The following RAB5IF variants were observed in gnomAD, a reference collection of about 807,000 sequenced individuals.
The protein encoded by RAB5IF is RAB5 interacting factor.
A neutral mutation model predicts 20.3 loss-of-function variants in RAB5IF; 15 were observed. The ratio of observed to expected loss-of-function variants is 0.74; its 90% CI spans 0.50 to 1.14. The LOEUF is 1.14. Ranked by LOEUF, RAB5IF falls within the 50% of genes most tolerant of loss-of-function variation. RAB5IF has a pLI of 0.00. For synonymous variants in RAB5IF, 67 were observed against 63.7 expected, an observed-to-expected ratio of 1.05 and a Z score of -0.25; for missense variants, 148 against 159.5, an observed-to-expected ratio of 0.93 and a Z score of 0.39.
At chr20:36,609,243 ACACACACACACAC>A (rs1568595729) in intron 2 of RAB5IF, among the ~76,000 whole-genome samples, 158 of 132,340 alleles carry the variant, frequency 1.2e-3, no homozygotes, top group African/African-American at 5.1e-3. Context: ...ACACACACAC[ACACACACACACAC>A]TATATATAGA....
intron 1 of RAB5IF, among the ~76,000 whole-genome samples, chr20:36,607,151 A>G (rs2038953353): frequency 6.6e-6 from 1 of 152,116 alleles, no homozygotes; most frequent in Non-Finnish European, 1.5e-5. Flanking sequence ...CAGTAGCACA[A>G]TTATTATCAC....
chr20:36,608,457 C>T (rs2038985353), intron 2 of RAB5IF, among the ~76,000 whole-genome samples: 1 of 151,630 alleles, frequency 6.6e-6, no homozygotes, highest in Admixed American at 6.6e-5. Flanking sequence ...ATTTCCCAGG[C>T]TGGTCTTGAA....
At chr20:36,609,256 C>CTCTA (rs1555790840) in intron 2 of RAB5IF, among the ~76,000 whole-genome samples, 1 of 121,580 alleles carries the variant, frequency 8.2e-6, no homozygotes, top group Non-Finnish European at 1.7e-5. Flanking sequence ...CACACACACA[C>CTCTA]TATATATAGA....
At chr20:36,608,881 C>A (rs547877764) in intron 2 of RAB5IF, among the ~76,000 whole-genome samples, 2 of 151,748 alleles carry the variant, frequency 1.3e-5, no homozygotes, top group East Asian at 3.9e-4. Flanking sequence ...TGTTCCTAGC[C>A]CCCTAATTGA....
In RAB5IF at chr20:36,605,937, C is replaced by T. The variant is rs1047668506; in HGVS notation, c.-15C>T. 4 of 1,480,090 alleles carry T rather than the reference C, an allele frequency of 2.7e-6. No individual in the cohort carries two copies. The highest frequency in any genetic ancestry group is 4.4e-5 in the Admixed American group (2 of 45,156). The allele number at this position is 1,480,090 out of a possible 1,614,324, so 91.7% of individuals were successfully genotyped here. On this transcript the variant is annotated 5_prime_UTR_variant, in exon 1 of 4. Transcript: ENST00000344795. ...CCGCGCGCCCCAGGCCCGGCCCGGG[C>T]GGCGCGACGGGAGGATGAGCGGCGG...
intron 3 of RAB5IF, 58 bp downstream of exon 3, chr20:36,609,788 C>T (rs761624846): frequency 6.2e-7 from 1 of 1,613,902 alleles, no homozygotes; most frequent in Non-Finnish European, 8.5e-7. Flanking sequence ...GTGTCACTCA[C>T]AGGAGGGGAC....
chr20:36,609,876 T>C, intron 3 of RAB5IF, 146 bp downstream of exon 3: 1 of 1,394,240 alleles, frequency 7.2e-7, no homozygotes, highest in Non-Finnish European at 1.0e-6. Flanking sequence ...ATGGCCTGTG[T>C]TGAGCCACAT....
chr20:36,608,681 A>AT (rs2038992204), intron 2 of RAB5IF, among the ~76,000 whole-genome samples: 1 of 150,386 alleles, frequency 6.6e-6, no homozygotes, highest in Non-Finnish European at 1.5e-5. Flanking sequence ...CTTCTGCCTC[A>AT]GACTCCCAAG....
Position 36,606,083 on chromosome 20 carries a change from C to G in RAB5IF, c.114+18C>G. 1.4e-6 allele frequency: 2 copies of G among 1,396,352 alleles called. No homozygotes were observed. Among genetic ancestry groups the G allele is most frequent in the East Asian group, 6.0e-5 (2 of 33,526 alleles). The allele number at this position is 1,396,352 out of a possible 1,614,324, so 86.5% of individuals were successfully genotyped here. ...AGGATAAGGTACGGTGGAGTCTGAA[C>G]AGGGCGCGGGTGCGAGGAGTCGGCT... On this transcript the variant is annotated intron_variant, in intron 1 of 3. Transcript: ENST00000344795.
chr20:36,606,350 G>A (rs1270167121), intron 1 of RAB5IF, among the ~76,000 whole-genome samples: 4 of 152,216 alleles, frequency 2.6e-5, no homozygotes, highest in African/African-American at 9.6e-5. Context: ...CCTGAACTGG[G>A]AAAGGGAGCT....
chr20:36,609,162 C>T (rs1324885701), intron 2 of RAB5IF, among the ~76,000 whole-genome samples: 612 of 11,160 alleles, frequency 0.055, 121 homozygotes, highest in Non-Finnish European at 0.074. Context: ...ATATTACACA[C>T]ACACACACAC....
intron 2 of RAB5IF, 156 bp downstream of exon 2, chr20:36,607,974 G>C: frequency 6.7e-7 from 1 of 1,498,460 alleles, no homozygotes; most frequent in Non-Finnish European, 9.0e-7. Flanking sequence ...CCTGGGTCTG[G>C]TGCACCACTC....
At chr20:36,609,249 A>C (rs953134064) in intron 2 of RAB5IF, among the ~76,000 whole-genome samples, 11 of 134,874 alleles carry the variant, frequency 8.2e-5, no homozygotes, top group African/African-American at 1.3e-4. Context: ...ACACACACAC[A>C]CACACACTAT....
rs188230297 is a variant in RAB5IF at position 36,607,236 on chromosome 20, C to T, written c.115-479C>T. Among the ~76,000 whole-genome samples, 372 of 151,052 alleles carry T rather than the reference C, an allele frequency of 2.5e-3. 4 individuals are homozygous for T. The highest frequency in any genetic ancestry group is 8.7e-3 in the African/African-American group (357 of 41,118). ...TTAGAGCACAGATTCTGGAAGTGATCGCTTAATGATGTCTAAATGTATCTT... is the reference window on the plus strand; with the variant it reads ...TTAGAGCACAGATTCTGGAAGTGATTGCTTAATGATGTCTAAATGTATCTT... On this transcript the variant is annotated intron_variant, in intron 1 of 3. Coordinates refer to ENST00000344795, the MANE Select transcript of RAB5IF (RefSeq NM_018840.5).
At chr20:36,609,543 A>G in intron 2 of RAB5IF, 58 bp from the exon 3 acceptor site, 10 of 1,519,812 alleles carry the variant, frequency 6.6e-6, no homozygotes, top group Non-Finnish European at 8.8e-6. Flanking sequence ...CCCGGCCCCG[A>G]GTTCTGAGTC....
rs539200829 is a variant in RAB5IF, at chr20:36,611,928, A to G, written c.349-82A>G. The G allele has an allele frequency of 3.4e-4, 543 of 1,586,670 alleles. 6 individuals carry two copies. The South Asian group carries it at 5.7e-3, about 17-fold the overall frequency. On this transcript the variant is annotated intron_variant, in intron 3 of 3. Transcript: ENST00000344795. ...CCCCTGGAGAGTGCCCCGTGTTTAC[A>G]TTCTCATCTGGCATTTTTGTTTTGT...
In RAB5IF at chr20:36,609,160, C is replaced by CAT. The variant is rs1568595285; in HGVS notation, c.219-440_219-439insTA. ...AGGGGCTTTGGAGAACTATATTACA[C>CAT]ACACACACACACACACACACACACA... On this transcript the variant is annotated intron_variant, in intron 2 of 3. Coordinates refer to ENST00000344795, the MANE Select transcript of RAB5IF (RefSeq NM_018840.5). Among the ~76,000 whole-genome samples, 83 of 55,184 alleles carry CAT rather than the reference C, an allele frequency of 1.5e-3. 3 individuals carry two copies. The highest frequency in any genetic ancestry group is 2.1e-3 in the Non-Finnish European group (54 of 26,060). The allele number at this position is 55,184 out of a possible 152,430, so 36.2% of individuals were successfully genotyped here. A position where few individuals can be genotyped will look rare whatever the true frequency, so the allele number is the denominator to read the frequency against.
intron 3 of RAB5IF, 95 bp from the exon 4 acceptor site, chr20:36,611,915 G>A: frequency 6.6e-7 from 1 of 1,519,484 alleles, no homozygotes; most frequent in Non-Finnish European, 9.1e-7. Context: ...CCTGGAGAGT[G>A]CCCCGTGTTT....
chr20:36,609,561 C>G, intron 2 of RAB5IF, 40 bp from the exon 3 acceptor site: 1 of 1,541,530 alleles, frequency 6.5e-7, no homozygotes, highest in Non-Finnish European at 8.7e-7. Flanking sequence ...GTCTTCTAAG[C>G]TTTCAATTTA....
Sources: allele counts gnomAD v4.1 joint callset (sites outside exome capture counted in the v4.1 genomes callset), GRCh38; gene constraint gnomAD v4.1.1; transcripts MANE v1.5; gene names NCBI Gene and HGNC (gene_info 2026-07-23, HGNC 2026-07-21).